Variants in CALN1 observed in about 807,000 individuals in gnomAD.
The protein encoded by CALN1 is calcium-binding protein 8.
Under a neutral mutation model 30.6 loss-of-function variants are expected in CALN1, and 17 were observed. The observed-to-expected ratio is 0.56, with a 90% CI of 0.38 to 0.83. The LOEUF is 0.83. Among genes scored for constraint, CALN1 ranks in the 40% least tolerant of loss-of-function variants. The pLI, the probability that CALN1 is intolerant of heterozygous loss-of-function variation, is 0.00. For synonymous variants in CALN1, 156 were observed against 131.4 expected (o/e 1.19, Z -1.28); for missense variants, 291 against 354.9 (o/e 0.82, Z 1.45).
chr7:72,018,557 G>C (rs1800530220), intron 5 of CALN1, among the ~76,000 whole-genome samples: 1 of 152,290 alleles, frequency 6.6e-6, no homozygotes, highest in Non-Finnish European at 1.5e-5. Context: ...TGGCTGCCAA[G>C]AGTCTCACAC....
intron 5 of CALN1, among the ~76,000 whole-genome samples, chr7:71,984,287 G>C (rs976676772): frequency 6.6e-6 from 1 of 152,170 alleles, no homozygotes; most frequent in Non-Finnish European, 1.5e-5. Context: ...CAAGAAAGTA[G>C]TAGGAAGCCA....
chr7:72,311,765 G>A (rs959108814), intron 2 of CALN1, among the ~76,000 whole-genome samples: 32 of 148,984 alleles, frequency 2.1e-4, no homozygotes, highest in Non-Finnish European at 4.4e-4. Flanking sequence ...CCAAACTGCT[G>A]AGATTACAGG....
At chr7:72,419,773 GC>G (rs1457759004) in intron 1 of CALN1, among the ~76,000 whole-genome samples, 1 of 152,152 alleles carries the variant, frequency 6.6e-6, no homozygotes, top group African/African-American at 2.4e-5. Flanking sequence ...GAGCAGAGAA[GC>G]AAAAACTGAG....
intron 5 of CALN1, among the ~76,000 whole-genome samples, chr7:71,981,674 C>CA (rs35596606): frequency 0.018 from 2,558 of 143,866 alleles, 46 homozygotes; most frequent in African/African-American, 0.056. Flanking sequence ...AAAACAAAAC[C>CA]AAAAAAAAAA....
chr7:72,163,055 G>A (rs1788230550), intron 3 of CALN1, among the ~76,000 whole-genome samples: 2 of 152,232 alleles, frequency 1.3e-5, no homozygotes, highest in South Asian at 4.1e-4. Context: ...GATTTCAGCT[G>A]CCGCCCTCCA....
At chr7:72,344,987 AAAT>A (rs1428375313) in intron 2 of CALN1, among the ~76,000 whole-genome samples, 15 of 147,142 alleles carry the variant, frequency 1.0e-4, no homozygotes, top group African/African-American at 1.7e-4. Flanking sequence ...ATATTTATAA[AAAT>A]AATGATATAT....
intron 3 of CALN1, among the ~76,000 whole-genome samples, chr7:72,268,055 GGAT>G (rs1328357299): frequency 1.4e-4 from 21 of 152,086 alleles, no homozygotes; most frequent in African/African-American, 4.6e-4. Context: ...ATGCATAATA[GGAT>G]GATTGAAAAG....
At chr7:72,444,784 T>A (rs1808470196) in intron 1 of CALN1, among the ~76,000 whole-genome samples, 1 of 152,172 alleles carries the variant, frequency 6.6e-6, no homozygotes, top group Non-Finnish European at 1.5e-5. Context: ...CTGACAATGC[T>A]ACCATGTTAC....
At chr7:72,117,052 C>A (rs1304676003) in intron 3 of CALN1, among the ~76,000 whole-genome samples, 1 of 152,138 alleles carries the variant, frequency 6.6e-6, no homozygotes, top group Non-Finnish European at 1.5e-5. Context: ...GCAGCTCATG[C>A]CTGTAATTCC....
intron 5 of CALN1, among the ~76,000 whole-genome samples, chr7:71,858,884 G>T (rs1791105074): frequency 6.6e-6 from 1 of 152,126 alleles, no homozygotes; most frequent in African/African-American, 2.4e-5. Flanking sequence ...GTCATCATCA[G>T]GACCTGCTGA....
chr7:72,076,037 T>C (rs1804703930), intron 4 of CALN1, among the ~76,000 whole-genome samples: 1 of 152,062 alleles, frequency 6.6e-6, no homozygotes, highest in African/African-American at 2.4e-5. Flanking sequence ...TAAATACTTC[T>C]TGAGCACCTA....
chr7:72,132,375 G>A (rs1328476805), intron 3 of CALN1, among the ~76,000 whole-genome samples: 1 of 152,094 alleles, frequency 6.6e-6, no homozygotes, highest in Non-Finnish European at 1.5e-5. Context: ...AAACAGAATA[G>A]TTCTATGGGT....
chr7:72,238,511 G>A (rs147961971), intron 3 of CALN1, among the ~76,000 whole-genome samples: 84 of 152,206 alleles, frequency 5.5e-4, no homozygotes, highest in African/African-American at 1.8e-3. Context: ...TGTCTGATAT[G>A]GTTTGACTGT....
At chr7:71,958,685 C>T (rs1480473569) in intron 5 of CALN1, among the ~76,000 whole-genome samples, 2 of 152,222 alleles carry the variant, frequency 1.3e-5, no homozygotes, top group Non-Finnish European at 2.9e-5. Flanking sequence ...ACAGGACACA[C>T]TTCCGGACAA....
At chr7:72,026,880 A>T (rs1227111200) in intron 4 of CALN1, among the ~76,000 whole-genome samples, 2 of 151,556 alleles carry the variant, frequency 1.3e-5, no homozygotes, top group Non-Finnish European at 2.9e-5. Flanking sequence ...GACACCTCTG[A>T]AAGCTAACTC....
intron 2 of CALN1, among the ~76,000 whole-genome samples, chr7:72,304,114 C>G (rs193243353): frequency 6.6e-6 from 1 of 152,314 alleles, no homozygotes; most frequent in East Asian, 1.9e-4. Context: ...AAGCCCTCCC[C>G]CGAAACCACC....
At chr7:72,205,549 A>ATATATATATACATACATATAT (rs1275919804) in intron 3 of CALN1, among the ~76,000 whole-genome samples, 1 of 59,916 alleles carries the variant, frequency 1.7e-5, no homozygotes, top group African/African-American at 1.4e-4. Flanking sequence ...TTGCAAAAAA[A>ATATATATATACATACATATAT]AAATATATAT....
intron 5 of CALN1, among the ~76,000 whole-genome samples, chr7:71,810,849 TA>T (rs1424651944): frequency 6.6e-6 from 1 of 152,142 alleles, no homozygotes; most frequent in African/African-American, 2.4e-5. Context: ...AAAATTTTTA[TA>T]ATTTACCAAC....
the CALN1 span, among the ~76,000 whole-genome samples, chr7:72,487,601 G>A: frequency 1.4e-4 from 21 of 150,698 alleles, no homozygotes; most frequent in East Asian, 3.9e-4. Context: ...CAGAAGAATC[G>A]GGTGAACCCA....
Sources: allele counts gnomAD v4.1 joint callset (sites outside exome capture counted in the v4.1 genomes callset), GRCh38; gene constraint gnomAD v4.1.1; transcripts MANE v1.5; gene names NCBI Gene and HGNC (gene_info 2026-07-23, HGNC 2026-07-21).